NUP88: variants seen among roughly 807,000 people sequenced by gnomAD.
NUP88 encodes nucleoporin 88.
Under a neutral mutation model 93.9 loss-of-function variants are expected in NUP88, and 57 were observed. That is an observed-to-expected ratio of 0.61 (90% CI 0.49 to 0.76). The LOEUF (loss-of-function observed/expected upper bound fraction) is 0.76, where lower values mean the gene tolerates loss of function less well. NUP88 is among the 30% of genes least tolerant of loss of function. The pLI, the probability that NUP88 is intolerant of heterozygous loss-of-function variation, is 0.00. For synonymous variants in NUP88, 346 were observed against 336.8 expected (o/e 1.03, Z -0.30); for missense variants, 911 against 901.0 (o/e 1.01, Z -0.14).
At chr17:5,415,748 A>T (rs1328803982) in intron 2 of NUP88, among the ~76,000 whole-genome samples, 1 of 152,154 alleles carries the variant, frequency 6.6e-6, no homozygotes, top group Non-Finnish European at 1.5e-5. Context: ...TTCAACTTAC[A>T]CTGGGTTTAT....
At chr17:5,386,679 A>AT in intron 16 of NUP88, 29 bp downstream of exon 16, 2 of 1,390,158 alleles carry the variant, frequency 1.4e-6, no homozygotes, top group Middle Eastern at 1.8e-4. Context: ...CTATCTCACG[A>AT]TAATAGCTGA....
At position 5,419,540 on chromosome 17, in the gene NUP88, G is replaced by A. The variant is rs757886788; in HGVS notation, c.111C>T (p.Thr37=). The A allele has an allele frequency of 1.2e-6, 2 of 1,613,584 alleles. No individual in the cohort carries two copies. The highest frequency in any genetic ancestry group is 2.2e-5 in the South Asian group (2 of 91,076). Residue 37 remains threonine, a synonymous_variant, in exon 1 of 17, where the codon ACC becomes ACT. Transcript: ENST00000573584. ...ACGAAGAAGCTGGTTTCTCAGCTTC[G>A]GTTGGACTCTGGTTTTTCAGTCCCT... ...LREGLKNQSP[T]EAEKPASSSL...
Position 5,416,595 on chromosome 17 carries a change from T to C in NUP88, c.385A>G (p.Lys129Glu). ...TQHHVALIGI[K>E]GLMVLELPKR... Reference sequence around the variant, plus strand: ...GGTAATTCTAATACCATAAGTCCTTTTATTCCTATAAGTGCTACATGATGT... The same window carrying C: ...GGTAATTCTAATACCATAAGTCCTTCTATTCCTATAAGTGCTACATGATGT... The change falls in exon 2 of 17, where the codon AAA (lysine) becomes GAA (glutamate). Residue 129 changes from lysine (K) to glutamate (E), a missense_variant. Lys to Glu is a moderately conservative substitution (Grantham distance 56). Transcript: ENST00000573584. 1 of 1,612,326 alleles carries C rather than the reference T, an allele frequency of 6.2e-7. No individual in the cohort carries two copies. The highest frequency in any genetic ancestry group is 1.3e-5 in the African/African-American group (1 of 75,006).
chr17:5,415,740 C>A (rs1914096934), intron 2 of NUP88, among the ~76,000 whole-genome samples: 1 of 152,188 alleles, frequency 6.6e-6, no homozygotes. Context: ...AATCCATTTT[C>A]AACTTACACT....
intron 10 of NUP88, among the ~76,000 whole-genome samples, chr17:5,390,272 T>C (rs1015979008): frequency 2.0e-5 from 3 of 152,216 alleles, no homozygotes; most frequent in African/African-American, 7.2e-5. Context: ...TTACTAAATG[T>C]ACTGTGGGTG....
At chr17:5,396,104 G>A (rs1420996236) in intron 8 of NUP88, among the ~76,000 whole-genome samples, 8 of 151,952 alleles carry the variant, frequency 5.3e-5, no homozygotes, top group East Asian at 1.9e-4. Context: ...CCAGCTACTC[G>A]AGAGGCTGAG....
intron 7 of NUP88, 45 bp downstream of exon 7, chr17:5,404,054 A>G: frequency 3.8e-6 from 6 of 1,580,140 alleles, no homozygotes; most frequent in Non-Finnish European, 5.2e-6. Context: ...TAGTCTTAGT[A>G]TAAAAATCAT....
At position 5,408,403 on chromosome 17, in the gene NUP88, A is replaced by G. The variant is rs998392383; in HGVS notation, c.857+330T>C. Among the ~76,000 whole-genome samples, 2 of 152,352 alleles carry G rather than the reference A, an allele frequency of 1.3e-5. 1 individual carries two copies. Among genetic ancestry groups the G allele is most frequent in the Non-Finnish European group, 2.9e-5 (2 of 68,040 alleles). On this transcript the variant is annotated intron_variant, in intron 5 of 16. Coordinates refer to ENST00000573584, the MANE Select transcript of NUP88 (RefSeq NM_002532.6). ...GTATCTTTCTCCCCACAACTGGGAC[A>G]TAAGATACCAGATTACCACGCCTAC...
chr17:5,385,738 A>AC lies in NUP88; in HGVS notation c.*467dup. ...CTGCTCTCAGCAGATTTCAGGTGTA[A>AC]CCATTTGTTAACTGTACTGAAGGTG... is the stretch of plus-strand genomic sequence containing the variant. On this transcript the variant is annotated 3_prime_UTR_variant, in exon 17 of 17. Coordinates refer to ENST00000573584, the MANE Select transcript of NUP88 (RefSeq NM_002532.6). 4.3e-6 allele frequency: 1 copy of AC among 231,540 alleles called. No homozygotes were observed. Among genetic ancestry groups the AC allele is most frequent in the Admixed American group, 5.6e-5 (1 of 17,740 alleles). The allele number at this position is 231,540 out of a possible 1,614,324, so 14.3% of individuals were successfully genotyped here.
At chr17:5,396,509 A>G (rs1237545874) in intron 8 of NUP88, among the ~76,000 whole-genome samples, 1 of 152,198 alleles carries the variant, frequency 6.6e-6, no homozygotes, top group Non-Finnish European at 1.5e-5. Context: ...GTATAGACAC[A>G]CCACATTTTA....
intron 2 of NUP88, among the ~76,000 whole-genome samples, chr17:5,415,878 C>T (rs1914104793): frequency 6.6e-6 from 1 of 151,982 alleles, no homozygotes; most frequent in Non-Finnish European, 1.5e-5. Flanking sequence ...GGTGCGGTGG[C>T]TCACACCTAT....
In NUP88 at chr17:5,412,399, C is replaced by T. The variant is rs753491772; in HGVS notation, c.593+1610G>A. On this transcript the variant is annotated intron_variant, in intron 3 of 16. Transcript: ENST00000573584. ...GACTGGTGCATTTCCTAGCTGAATG[C>T]CCCTTAGTCACTTAGTAGCTGTCTC... Among the ~76,000 whole-genome samples the T allele has an allele frequency of 2.6e-5, 4 of 152,166 alleles. 1 individual carries two copies. Among genetic ancestry groups the T allele is most frequent in the Admixed American group, 6.5e-5 (1 of 15,274 alleles).
At chr17:5,410,491 G>A (rs1913769659) in intron 4 of NUP88, among the ~76,000 whole-genome samples, 1 of 148,854 alleles carries the variant, frequency 6.7e-6, no homozygotes, top group South Asian at 2.2e-4. Flanking sequence ...GCACTTTGGG[G>A]AGGCTGAGAC....
intron 11 of NUP88, 123 bp downstream of exon 11, chr17:5,388,677 CCA>C: frequency 2.4e-6 from 2 of 828,780 alleles, no homozygotes; most frequent in Non-Finnish European, 3.6e-6. Context: ...TCAAATATAT[CCA>C]GTTTCTTCCA....
chr17:5,393,878 C>A (rs1912604128), intron 9 of NUP88, among the ~76,000 whole-genome samples: 1 of 152,112 alleles, frequency 6.6e-6, no homozygotes, highest in African/African-American at 2.4e-5. Context: ...TGTGTATACT[C>A]CATGTCTAAC....
At chr17:5,411,741 A>G (rs1170902851) in intron 3 of NUP88, among the ~76,000 whole-genome samples, 1 of 152,226 alleles carries the variant, frequency 6.6e-6, no homozygotes, top group African/African-American at 2.4e-5. Context: ...AATTTTCAAA[A>G]GGCCAGTAAT....
Position 5,394,997 on chromosome 17 carries a change from T to C in NUP88, c.1292-16A>G, listed in dbSNP as rs759896374. The C allele has an allele frequency of 2.7e-6, 4 of 1,476,470 alleles. No homozygotes were observed. Among genetic ancestry groups the C allele is most frequent in the Admixed American group, 1.7e-5 (1 of 59,640 alleles). The allele number at this position is 1,476,470 out of a possible 1,614,324, so 91.5% of individuals were successfully genotyped here. ...TCTTCTTCATCTACCATGGAAGACATTACATAAATGAAATGATGCTTAGAC... is the reference window on the plus strand; with the variant it reads ...TCTTCTTCATCTACCATGGAAGACACTACATAAATGAAATGATGCTTAGAC... On this transcript the variant is annotated splice_polypyrimidine_tract_variant and intron_variant, in intron 8 of 16. Transcript: ENST00000573584.
chr17:5,419,364 G>C lies in NUP88; in HGVS notation c.287C>G (p.Ser96Cys). Residue 96 changes from serine (S) to cysteine (C), a missense_variant, in exon 1 of 17, where the codon TCC becomes TGC. Transcript: ENST00000573584. ...TCGGCCTGGCATTACCTGGTACTGG[G>C]ACAGGGCGGGCTCTTCGCCGCCGCC... ...PSGGGEEPAL[S>C]QYQRLLCINP... The C allele has an allele frequency of 6.3e-7, 1 of 1,592,566 alleles. No homozygotes were observed. The highest frequency in any genetic ancestry group is 2.2e-5 in the East Asian group (1 of 44,584).
intron 2 of NUP88, among the ~76,000 whole-genome samples, chr17:5,414,816 C>T (rs1214449907): frequency 2.6e-5 from 4 of 151,200 alleles, no homozygotes; most frequent in Non-Finnish European, 1.5e-5. Flanking sequence ...ACCCGTGAGG[C>T]TGAGGCAGAA....
Sources: gnomAD v4.1 joint callset for allele counts (sites outside exome capture counted in the v4.1 genomes callset) on GRCh38, gnomAD v4.1.1 for gene constraint, MANE v1.5 for transcripts, NCBI Gene and HGNC (gene_info 2026-07-23, HGNC 2026-07-21) for gene names.